RHOH: variants seen among roughly 807,000 people sequenced by gnomAD.
RHOH encodes the protein ras homolog family member H.
In RHOH, 6 loss-of-function variants were observed where a neutral mutation model predicts 13.8. The observed-to-expected ratio is 0.44, with a 90% CI of 0.24 to 0.86. The LOEUF (loss-of-function observed/expected upper bound fraction) is 0.86, where lower values mean the gene tolerates loss of function less well. Among genes scored for constraint, RHOH ranks in the 40% least tolerant of loss-of-function variants. The probability of loss-of-function intolerance (pLI) is 0.24; values close to 1 mark genes in which losing one functional copy is unlikely to be tolerated. For missense variants in RHOH, 147 were observed against 244.5 expected (o/e 0.60, Z 2.66); for synonymous variants, 117 against 103.0 (o/e 1.14, Z -0.82).
chr4:40,191,925 A>G (rs35185376), upstream of RHOH, among the ~76,000 whole-genome samples: 13,173 of 151,144 alleles, frequency 0.087, 749 homozygotes, highest in Non-Finnish European at 0.12. Flanking sequence ...TTACCTGGTT[A>G]GGGAGGCTGG....
At chr4:40,226,896 C>T (rs564528242) in intron 1 of RHOH, among the ~76,000 whole-genome samples, 53 of 152,112 alleles carry the variant, frequency 3.5e-4, no homozygotes, top group Non-Finnish European at 7.1e-4. Context: ...TGGTGGCTCA[C>T]GCCTGTAATC....
intron 1 of RHOH, among the ~76,000 whole-genome samples, chr4:40,221,118 C>T (rs1377762488): frequency 6.6e-6 from 1 of 152,182 alleles, no homozygotes; most frequent in African/African-American, 2.4e-5. Context: ...ACAATTTATT[C>T]TATAGAGGGA....
chr4:40,212,125 A>G (rs935330695), intron 1 of RHOH, among the ~76,000 whole-genome samples: 2 of 152,228 alleles, frequency 1.3e-5, no homozygotes, highest in African/African-American at 4.8e-5. Context: ...AATTATGAAT[A>G]CAGATACTTC....
At chr4:40,198,078 T>A (rs1723452241) in intron 1 of RHOH, among the ~76,000 whole-genome samples, 1 of 152,088 alleles carries the variant, frequency 6.6e-6, no homozygotes, top group Admixed American at 6.5e-5. Context: ...TATAATCTGG[T>A]AGTTGTGATA....
chr4:40,227,587 G>A (rs1264285550), intron 1 of RHOH, among the ~76,000 whole-genome samples: 1 of 152,112 alleles, frequency 6.6e-6, no homozygotes, highest in Non-Finnish European at 1.5e-5. Flanking sequence ...TTTACATTCT[G>A]TTTAGGGTTT....
In RHOH at chr4:40,220,870, TG is replaced by T. The variant is rs369342877; in HGVS notation, c.-330-21843del. On this transcript the variant is annotated intron_variant, in intron 1 of 2. Coordinates refer to ENST00000381799, the MANE Select transcript of RHOH (RefSeq NM_004310.5). ...GGTAGTTTCAGGGTCATTATATATT[TG>T]TTTTGCTCAGTTTCTTGATCTTTCT... 5.9e-4 allele frequency among the ~76,000 whole-genome samples: 90 copies of T among 152,366 alleles called. 1 individual carries two copies. The highest frequency in any genetic ancestry group is 3.4e-3 in the Middle Eastern group (1 of 294).
intron 1 of RHOH, among the ~76,000 whole-genome samples, chr4:40,242,001 G>C (rs1440747327): frequency 6.6e-6 from 1 of 152,226 alleles, no homozygotes; most frequent in Non-Finnish European, 1.5e-5. Flanking sequence ...GTATTGCCCT[G>C]CATGACACAT....
At chr4:40,229,791 A>G (rs918360279) in intron 1 of RHOH, among the ~76,000 whole-genome samples, 1 of 152,106 alleles carries the variant, frequency 6.6e-6, no homozygotes, top group Non-Finnish European at 1.5e-5. Flanking sequence ...CACTTTTCCA[A>G]TCTTACTTTA....
At position 40,244,619 on chromosome 4, in the gene RHOH, A is replaced by G. The variant is rs942059472; in HGVS notation, c.*657A>G. On this transcript the variant is annotated 3_prime_UTR_variant, in exon 3 of 3. Coordinates refer to ENST00000381799, the MANE Select transcript of RHOH (RefSeq NM_004310.5). Reference sequence around the variant, plus strand: ...ACTGCCTAATGATTTTAAAGTTATCACTATATTTTTCTGAAATGATAAAAC... The same window carrying G: ...ACTGCCTAATGATTTTAAAGTTATCGCTATATTTTTCTGAAATGATAAAAC... The G allele has an allele frequency of 5.0e-6, 1 of 198,096 alleles. No individual in the cohort carries two copies. The highest frequency in any genetic ancestry group is 1.1e-5 in the Non-Finnish European group (1 of 87,604). 12.3% of individuals were successfully genotyped at this position (198,096 alleles called of 1,614,324 possible). A position where few individuals can be genotyped will look rare whatever the true frequency, so the allele number is the denominator to read the frequency against.
At chr4:40,207,986 A>G (rs900753290) in intron 1 of RHOH, among the ~76,000 whole-genome samples, 8 of 151,978 alleles carry the variant, frequency 5.3e-5, no homozygotes, top group Admixed American at 2.6e-4. Context: ...TAAATAAATA[A>G]TAATTTAAAA....
Position 40,218,459 on chromosome 4 carries a change from C to T in RHOH, c.-331+21159C>T, listed in dbSNP as rs1280899574. ...TGGAAATCAGACACGTGCTAGGGCC[C>T]CCTGTGCTTAGCTCGGCTAATGAGC... is the stretch of plus-strand genomic sequence containing the variant. On this transcript the variant is annotated intron_variant, in intron 1 of 2. Transcript: ENST00000381799. This position sits in a 1 kb window ranked among gnomAD's most constrained non-coding sequence, Gnocchi z 4.1. Among the ~76,000 whole-genome samples, 1 of 152,200 alleles carries T rather than the reference C, an allele frequency of 6.6e-6. No individual in the cohort carries two copies. Among genetic ancestry groups the T allele is most frequent in the East Asian group, 1.9e-4 (1 of 5,202 alleles).
In RHOH at chr4:40,245,454, G is replaced by C. The variant is rs548756099; in HGVS notation, c.*1492G>C. The C allele has an allele frequency of 6.6e-6, 1 of 151,294 alleles. No individual in the cohort carries two copies. The highest frequency in any genetic ancestry group is 6.6e-5 in the Admixed American group (1 of 15,182). The allele number at this position is 151,294 out of a possible 1,614,324, so 9.4% of individuals were successfully genotyped here. A position where few individuals can be genotyped will look rare whatever the true frequency, so the allele number is the denominator to read the frequency against. Reference sequence around the variant, plus strand: ...CTCAAGAGGCTGAGGCAAAAGAATTGCTCGAACCTGGGAGGCGGAGGTTGC... The same window carrying C: ...CTCAAGAGGCTGAGGCAAAAGAATTCCTCGAACCTGGGAGGCGGAGGTTGC... On this transcript the variant is annotated 3_prime_UTR_variant, in exon 3 of 3. Transcript: ENST00000381799.
intron 1 of RHOH, among the ~76,000 whole-genome samples, chr4:40,197,887 AGCCTGAGTTG>A: frequency 6.6e-6 from 1 of 152,320 alleles, no homozygotes; most frequent in South Asian, 2.1e-4. Flanking sequence ...ACCAGTCAGT[AGCCTGAGTTG>A]TAACTAAACA....
chr4:40,202,840 G>C (rs1724177148), intron 1 of RHOH, among the ~76,000 whole-genome samples: 1 of 152,182 alleles, frequency 6.6e-6, no homozygotes, highest in Admixed American at 6.5e-5. Context: ...GCTGATCTCA[G>C]AGGTGAACAA....
At chr4:40,204,131 A>G (rs1338409811) in intron 1 of RHOH, among the ~76,000 whole-genome samples, 1 of 152,212 alleles carries the variant, frequency 6.6e-6, no homozygotes, top group Non-Finnish European at 1.5e-5. Context: ...CTGTTCTGAG[A>G]TTATCTGCTT....
chr4:40,198,077 G>A (rs1723451533), intron 1 of RHOH, among the ~76,000 whole-genome samples: 2 of 152,326 alleles, frequency 1.3e-5, no homozygotes, highest in South Asian at 2.1e-4. Context: ...CTATAATCTG[G>A]TAGTTGTGAT....
intron 1 of RHOH, among the ~76,000 whole-genome samples, chr4:40,240,725 C>T (rs35646322): frequency 0.12 from 18,355 of 151,644 alleles, 1,289 homozygotes; most frequent in Admixed American, 0.19. Context: ...TGCAGTGAGC[C>T]GAGATCGAGC....
intron 1 of RHOH, among the ~76,000 whole-genome samples, chr4:40,215,568 G>A (rs1453703457): frequency 1.3e-5 from 2 of 152,212 alleles, no homozygotes; most frequent in Non-Finnish European, 2.9e-5. Flanking sequence ...GGATAGGGAA[G>A]GGGGTGGAAT....
chr4:40,211,898 G>A (rs1041216744), intron 1 of RHOH, among the ~76,000 whole-genome samples: 21 of 152,092 alleles, frequency 1.4e-4, no homozygotes, highest in African/African-American at 5.1e-4. Flanking sequence ...CTTCCTTCTC[G>A]AATTGTGATG....
Sources: allele counts gnomAD v4.1 joint callset (sites outside exome capture counted in the v4.1 genomes callset), GRCh38; gene constraint gnomAD v4.1.1; non-coding constraint Gnocchi (gnomAD v3.1); transcripts MANE v1.5; gene names NCBI Gene and HGNC (gene_info 2026-07-23, HGNC 2026-07-21).